The following NTRK3 variants were observed in gnomAD, a reference collection of about 807,000 sequenced individuals.
NTRK3 encodes the protein neurotrophic receptor tyrosine kinase 3.
Under a neutral mutation model 91.7 loss-of-function variants are expected in NTRK3, and 24 were observed. The ratio of observed to expected loss-of-function variants is 0.26; its 90% CI spans 0.19 to 0.37. The LOEUF (loss-of-function observed/expected upper bound fraction) is 0.37. NTRK3 is among the 10% of genes least tolerant of loss of function. The pLI is 1.00. For synonymous variants in NTRK3, 483 were observed against 404.0 expected (o/e 1.20, Z -2.34); for missense variants, 880 against 1,068.9 (o/e 0.82, Z 2.46).
At chr15:88,185,274 C>G (rs556257039) in intron 3 of NTRK3, among the ~76,000 whole-genome samples, 6 of 152,334 alleles carry the variant, frequency 3.9e-5, no homozygotes, top group African/African-American at 1.4e-4. Context: ...TCAACAGACA[C>G]AAACCCGTGC....
chr15:88,026,038 G>A (rs560663145), intron 14 of NTRK3, among the ~76,000 whole-genome samples: 38 of 152,270 alleles, frequency 2.5e-4, no homozygotes, highest in South Asian at 4.1e-4. Flanking sequence ...TTGGAAGGCC[G>A]GGACGGGTAG....
At chr15:87,988,764 G>C (rs2075051900) in intron 14 of NTRK3, among the ~76,000 whole-genome samples, 1 of 152,100 alleles carries the variant, frequency 6.6e-6, no homozygotes, top group Non-Finnish European at 1.5e-5. Flanking sequence ...AGGGTGATCA[G>C]AATCTTCACA....
intron 3 of NTRK3, among the ~76,000 whole-genome samples, chr15:88,230,366 C>G (rs1050212727): frequency 6.6e-6 from 1 of 152,140 alleles, no homozygotes; most frequent in African/African-American, 2.4e-5. Flanking sequence ...GTATCCTCAC[C>G]TCTGCAGAGC....
intron 13 of NTRK3, among the ~76,000 whole-genome samples, chr15:88,088,442 G>A (rs1160223819): frequency 6.6e-6 from 1 of 152,168 alleles, no homozygotes; most frequent in African/African-American, 2.4e-5. Flanking sequence ...CTGGACACCA[G>A]AATGAGCAAC....
At chr15:87,906,797 A>G (rs2066794508) in intron 17 of NTRK3, among the ~76,000 whole-genome samples, 1 of 152,056 alleles carries the variant, frequency 6.6e-6, no homozygotes, top group Non-Finnish European at 1.5e-5. Context: ...TACTACCACC[A>G]AGTACTTCTT....
intron 6 of NTRK3, among the ~76,000 whole-genome samples, chr15:88,141,454 G>T (rs2042381199): frequency 6.6e-6 from 1 of 152,212 alleles, no homozygotes; most frequent in Non-Finnish European, 1.5e-5. Flanking sequence ...CACTGCAGGG[G>T]CTGCAAGGAG....
intron 13 of NTRK3, among the ~76,000 whole-genome samples, chr15:88,034,813 AG>A (rs750243577): frequency 1.6e-4 from 24 of 152,360 alleles, no homozygotes; most frequent in Admixed American, 4.6e-4. Flanking sequence ...CGTATGGAAA[AG>A]TAGCTGTAAG....
chr15:87,918,185 C>T (rs1407951205), intron 17 of NTRK3, among the ~76,000 whole-genome samples: 1 of 152,100 alleles, frequency 6.6e-6, no homozygotes, highest in African/African-American at 2.4e-5. Flanking sequence ...TTTCCTGGGC[C>T]AGTGCAATGG....
At chr15:88,131,342 T>C (rs1219745063) in intron 10 of NTRK3, among the ~76,000 whole-genome samples, 2 of 152,234 alleles carry the variant, frequency 1.3e-5, no homozygotes, top group African/African-American at 4.8e-5. Flanking sequence ...ATTCTCTAAC[T>C]ACTTGTGGGG....
intron 14 of NTRK3, among the ~76,000 whole-genome samples, chr15:87,997,154 C>T (rs907434839): frequency 6.6e-6 from 1 of 152,202 alleles, no homozygotes; most frequent in Non-Finnish European, 1.5e-5. Flanking sequence ...TTCCCACCTG[C>T]ATAATGGGGA....
chr15:87,869,623 C>T (rs1428310933), exon 19 of NTRK3: 1 of 208,092 alleles, frequency 4.8e-6, no homozygotes, highest in South Asian at 1.9e-4. Flanking sequence ...ATTGTCAGTC[C>T]CATGGAAGCA....
chr15:88,006,080 C>T (rs780000862), intron 14 of NTRK3, among the ~76,000 whole-genome samples: 1 of 152,154 alleles, frequency 6.6e-6, no homozygotes, highest in Non-Finnish European at 1.5e-5. Context: ...TAATTTACAG[C>T]ATCTGTAGCT....
Position 88,082,443 on chromosome 15 carries a change from C to T in NTRK3, c.1396+43828G>A, listed in dbSNP as rs184109106. On this transcript the variant is annotated intron_variant, in intron 13 of 18. Transcript: ENST00000394480. Reference sequence around the variant, plus strand: ...CAGGAAGTTTTTGCATGTGTGTACACCTGTATCACCACCACCCAGATGAAA... The same window carrying T: ...CAGGAAGTTTTTGCATGTGTGTACATCTGTATCACCACCACCCAGATGAAA... Among the ~76,000 whole-genome samples the T allele has an allele frequency of 5.3e-4, 81 of 152,292 alleles. No individual in the cohort carries two copies. In the East Asian group the frequency reaches 0.013, roughly 24 times the overall value.
chr15:88,167,398 CA>C (rs59131856), intron 5 of NTRK3, among the ~76,000 whole-genome samples: 3,027 of 152,020 alleles, frequency 0.02, 85 homozygotes, highest in African/African-American at 0.069. Flanking sequence ...CCCAGTATAG[CA>C]AAAAAAGAGC....
intron 5 of NTRK3, 22 bp downstream of exon 5, chr15:88,183,396 C>T: frequency 6.2e-7 from 1 of 1,613,354 alleles, no homozygotes; most frequent in Non-Finnish European, 8.5e-7. Flanking sequence ...GCCCCCAATC[C>T]CTGCAGCCCA....
In NTRK3 at chr15:88,255,178, A is replaced by G. The variant is rs1460914680; in HGVS notation, c.248+728T>C. On this transcript the variant is annotated intron_variant, in intron 3 of 18. Coordinates refer to ENST00000394480, the Ensembl canonical transcript of NTRK3. This position sits in a 1 kb window ranked among gnomAD's most constrained non-coding sequence, Gnocchi z 4.3. ...GCCATCCTGACTCGGAATAGTTCCGAGCAGTTATCAAAGCCCAAACTGGGA... is the reference window on the plus strand; with the variant it reads ...GCCATCCTGACTCGGAATAGTTCCGGGCAGTTATCAAAGCCCAAACTGGGA... Among the ~76,000 whole-genome samples, 8 of 152,150 alleles carry G rather than the reference A, an allele frequency of 5.3e-5. No homozygotes were observed. Among genetic ancestry groups the G allele is most frequent in the South Asian group, 4.2e-4 (2 of 4,816 alleles).
rs139896919 is a variant in NTRK3 at position 88,003,363 on chromosome 15, C to T, written c.1585+29494G>A. 2.1e-3 allele frequency among the ~76,000 whole-genome samples: 315 copies of T among 152,296 alleles called. 1 individual carries two copies. The highest frequency in any genetic ancestry group is 6.8e-3 in the African/African-American group (283 of 41,546). ...CACAGGTAAACTGTATGCCAGTGTG[C>T]GTCAGAGCTCCCTAGAGAAAATTCT... On this transcript the variant is annotated intron_variant, in intron 14 of 18. Transcript: ENST00000394480.
At chr15:88,094,046 G>A (rs566773557) in intron 13 of NTRK3, among the ~76,000 whole-genome samples, 1 of 152,126 alleles carries the variant, frequency 6.6e-6, no homozygotes, top group African/African-American at 2.4e-5. Flanking sequence ...ATACAAACAG[G>A]GGATGCACTC....
chr15:88,173,403 G>T (rs1263817193), intron 5 of NTRK3, among the ~76,000 whole-genome samples: 1 of 152,120 alleles, frequency 6.6e-6, no homozygotes, highest in Non-Finnish European at 1.5e-5. Context: ...TCCAGGGCTG[G>T]TGTAGCCCCA....
Sources: gnomAD v4.1 joint callset for allele counts (sites outside exome capture counted in the v4.1 genomes callset) on GRCh38, gnomAD v4.1.1 for gene constraint, Gnocchi (gnomAD v3.1) non-coding constraint, MANE v1.5 for transcripts, NCBI Gene and HGNC (gene_info 2026-07-23, HGNC 2026-07-21) for gene names.